SBF2: variants seen among roughly 807,000 people sequenced by gnomAD.
The protein encoded by SBF2 is SET binding factor 2, also known as myotubularin-related protein 13.
SBF2 carries 112 observed loss-of-function variants against 225.2 expected under a neutral mutation model. That is an observed-to-expected ratio of 0.50 (90% CI 0.43 to 0.58). The LOEUF is 0.58. Ranked by LOEUF, SBF2 falls within the 20% of genes least tolerant of loss-of-function variation. The pLI, the probability that SBF2 is intolerant of heterozygous loss-of-function variation, is 0.00. For synonymous variants in SBF2, 763 were observed against 773.3 expected, an observed-to-expected ratio of 0.99 and a Z score of 0.22; for missense variants, 1,996 against 2,206.2, an observed-to-expected ratio of 0.90 and a Z score of 1.91.
At chr11:10,151,526 T>C (rs1337130807) in intron 2 of SBF2, among the ~76,000 whole-genome samples, 1 of 152,220 alleles carries the variant, frequency 6.6e-6, no homozygotes, top group African/African-American at 2.4e-5. Context: ...ATACAGCAGG[T>C]TAATCTGATT....
chr11:9,853,786 A>C, intron 19 of SBF2, 74 bp from the exon 20 acceptor site: 1 of 1,340,912 alleles, frequency 7.5e-7, no homozygotes, highest in Non-Finnish European at 1.1e-6. Context: ...TAGTCAATTT[A>C]CATAGCGACA....
intron 17 of SBF2, among the ~76,000 whole-genome samples, chr11:9,868,744 G>A (rs1037984541): frequency 6.6e-6 from 1 of 152,162 alleles, no homozygotes; most frequent in Non-Finnish European, 1.5e-5. Context: ...CCATCAGTCT[G>A]ACTGCATCCC....
At chr11:9,949,451 A>C (rs1182138484) in intron 16 of SBF2, among the ~76,000 whole-genome samples, 1 of 152,180 alleles carries the variant, frequency 6.6e-6, no homozygotes, top group Non-Finnish European at 1.5e-5. Context: ...GGTTTTACCA[A>C]ACATGGAAGC....
At chr11:9,862,313 G>T (rs1029903271) in intron 17 of SBF2, among the ~76,000 whole-genome samples, 4 of 152,208 alleles carry the variant, frequency 2.6e-5, no homozygotes, top group Non-Finnish European at 4.4e-5. Context: ...CTCAGGACCA[G>T]CAGAGGGCAG....
intron 1 of SBF2, among the ~76,000 whole-genome samples, chr11:10,236,613 C>G (rs1959089516): frequency 6.6e-6 from 1 of 151,866 alleles, no homozygotes; most frequent in Non-Finnish European, 1.5e-5. Flanking sequence ...GTGTGCACCA[C>G]TATACCCAGC....
chr11:9,886,622 C>T lies in SBF2; in HGVS notation c.1929+9321G>A, dbSNP rs1223114964. Among the ~76,000 whole-genome samples, 5 of 151,182 alleles carry T rather than the reference C, an allele frequency of 3.3e-5. No individual in the cohort carries two copies. In the South Asian group the frequency reaches 6.3e-4, roughly 19 times the overall value. ...CCTCTTTTTTTTTGAGACGAAGTCT[C>T]GCTCTGGAGTGCAGTAGCACCATCG... On this transcript the variant is annotated intron_variant, in intron 17 of 39. Coordinates refer to ENST00000256190, the MANE Select transcript of SBF2 (RefSeq NM_030962.4).
chr11:10,131,800 T>G (rs1046993233), intron 2 of SBF2, among the ~76,000 whole-genome samples: 1 of 152,148 alleles, frequency 6.6e-6, no homozygotes, highest in Non-Finnish European at 1.5e-5. Context: ...TTTGCCAATA[T>G]TTTATCCTAG....
intron 1 of SBF2, among the ~76,000 whole-genome samples, chr11:10,237,234 CT>C (rs1408187651): frequency 1.3e-5 from 2 of 152,156 alleles, no homozygotes; most frequent in Non-Finnish European, 2.9e-5. Context: ...GTTATCCCAG[CT>C]ATTTGGGAGC....
chr11:9,936,797 T>C (rs1390129557), intron 16 of SBF2, among the ~76,000 whole-genome samples: 1 of 152,088 alleles, frequency 6.6e-6, no homozygotes, highest in African/African-American at 2.4e-5. Context: ...CACTGGGGCC[T>C]GTCAGGGGTG....
At position 10,187,880 on chromosome 11, in the gene SBF2, C is replaced by T. The variant is rs183978278; in HGVS notation, c.141+6022G>A. 8.5e-5 allele frequency among the ~76,000 whole-genome samples: 13 copies of T among 152,238 alleles called. No homozygotes were observed. The East Asian group carries it at 2.5e-3, about 29-fold the overall frequency. On this transcript the variant is annotated intron_variant, in intron 2 of 39. Coordinates refer to ENST00000256190, the MANE Select transcript of SBF2 (RefSeq NM_030962.4). ...CTTTGTGATTTCAGAACAGACAGGA[C>T]ATAAACTATACTTCAGAATAAATCC...
At chr11:9,875,008 G>A (rs1859101077) in intron 17 of SBF2, among the ~76,000 whole-genome samples, 2 of 152,308 alleles carry the variant, frequency 1.3e-5, no homozygotes, top group South Asian at 2.1e-4. Flanking sequence ...CTCTGTTACT[G>A]AGGAAAACAG....
intron 1 of SBF2, among the ~76,000 whole-genome samples, chr11:10,301,331 T>C (rs1964597673): frequency 6.6e-6 from 1 of 152,214 alleles, no homozygotes; most frequent in East Asian, 1.9e-4. Flanking sequence ...TTTTATTAGG[T>C]CCTTAGAGAA....
intron 16 of SBF2, among the ~76,000 whole-genome samples, chr11:9,902,081 G>A (rs1861764800): frequency 6.6e-6 from 1 of 152,122 alleles, no homozygotes; most frequent in Non-Finnish European, 1.5e-5. Context: ...CATCTGTTGT[G>A]GGAGAAATCT....
intron 2 of SBF2, among the ~76,000 whole-genome samples, chr11:10,128,885 T>C (rs1274459652): frequency 6.6e-6 from 1 of 152,196 alleles, no homozygotes; most frequent in African/African-American, 2.4e-5. Flanking sequence ...TACATGTTTA[T>C]TTTCCCGCTT....
At chr11:10,106,558 A>G (rs1168065289) in intron 2 of SBF2, among the ~76,000 whole-genome samples, 5 of 151,468 alleles carry the variant, frequency 3.3e-5, no homozygotes, top group Non-Finnish European at 5.9e-5. Context: ...GAACCCGCGC[A>G]GCAGAGGTTG....
intron 6 of SBF2, among the ~76,000 whole-genome samples, chr11:10,015,889 G>A (rs1565135520): frequency 1.3e-5 from 2 of 151,924 alleles, no homozygotes; most frequent in African/African-American, 4.8e-5. Flanking sequence ...TGCAACCTCT[G>A]CCTCCCGGGT....
chr11:10,075,706 C>A (rs535586580), intron 2 of SBF2, among the ~76,000 whole-genome samples: 2 of 152,318 alleles, frequency 1.3e-5, no homozygotes, highest in African/African-American at 4.8e-5. Context: ...CTCTGCCATG[C>A]CTCCTGTACA....
In SBF2 at chr11:10,214,590, T is replaced by A. The variant is rs538309084; in HGVS notation, c.56-20603A>T. 7.9e-5 allele frequency among the ~76,000 whole-genome samples: 12 copies of A among 152,202 alleles called. No individual in the cohort carries two copies. In the East Asian group the frequency reaches 2.1e-3, roughly 27 times the overall value. ...GTGAGCCAAGATGGCACCACTGCAC[T>A]CCAGCCTGGGCGACAGAGAAAGACT... On this transcript the variant is annotated intron_variant, in intron 1 of 39. Coordinates refer to ENST00000256190, the MANE Select transcript of SBF2 (RefSeq NM_030962.4).
intron 36 of SBF2, among the ~76,000 whole-genome samples, chr11:9,786,096 G>A (rs1369223755): frequency 6.6e-6 from 1 of 152,110 alleles, no homozygotes; most frequent in Non-Finnish European, 1.5e-5. Context: ...TCGAACTCCT[G>A]ACTTCATGCC....
Sources: gnomAD v4.1 joint callset for allele counts (sites outside exome capture counted in the v4.1 genomes callset) on GRCh38, gnomAD v4.1.1 for gene constraint, MANE v1.5 for transcripts, NCBI Gene and HGNC (gene_info 2026-07-23, HGNC 2026-07-21) for gene names.